AQR: variants seen among roughly 807,000 people sequenced by gnomAD.
AQR encodes aquarius intron-binding spliceosomal factor.
A neutral mutation model predicts 180.5 loss-of-function variants in AQR; 61 were observed. That is an observed-to-expected ratio of 0.34 (90% CI 0.28 to 0.42). The LOEUF is 0.42. Ranked by LOEUF, AQR falls within the 10% of genes least tolerant of loss-of-function variation. AQR has a pLI of 1.00. For missense variants in AQR, 1,281 were observed against 1,798.3 expected (o/e 0.71, Z 5.20); for synonymous variants, 551 against 588.8 (o/e 0.94, Z 0.93).
chr15:34,964,764 A>C (rs926398221), intron 1 of AQR, among the ~76,000 whole-genome samples: 13 of 152,066 alleles, frequency 8.5e-5, no homozygotes, highest in Admixed American at 7.2e-4. Flanking sequence ...AAACCTAAAA[A>C]AAAAAAAAAT....
Position 34,969,353 on chromosome 15 carries a change from C to T in AQR, c.75+186G>A, listed in dbSNP as rs1005249802. ...CAGGGCAGGGCAGCTTCTTTCACCA[C>T]GGTATGCCCAGCACCTAGCATAGTG... On this transcript the variant is annotated intron_variant, in intron 1 of 34. Coordinates refer to ENST00000156471, the MANE Select transcript of AQR (RefSeq NM_014691.3). Among the ~76,000 whole-genome samples, 4 of 152,162 alleles carry T rather than the reference C, an allele frequency of 2.6e-5. 1 individual carries two copies. The highest frequency in any genetic ancestry group is 9.7e-5 in the African/African-American group (4 of 41,440).
rs1894076093 is a variant in AQR at position 34,944,318 on chromosome 15, T to C, written c.441A>G (p.Leu147=). ...TATTGAAGCAATGATCAAGAAAAAGTAGTAAGACTGTCTGTTCATGAAGTG... is the reference window on the plus strand; with the variant it reads ...TATTGAAGCAATGATCAAGAAAAAGCAGTAAGACTGTCTGTTCATGAAGTG... ...EFSLHEQTVL[L]LFLDHCFNSL... The change falls in exon 6 of 35, where the codon CTA becomes CTG. Residue 147 remains leucine, a synonymous_variant. Transcript: ENST00000156471. 2 of 1,606,152 alleles carry C rather than the reference T, an allele frequency of 1.2e-6. No individual in the cohort carries two copies. Among genetic ancestry groups the C allele is most frequent in the African/African-American group, 2.7e-5 (2 of 74,584 alleles).
At chr15:34,893,530 G>C (rs1407912209) in intron 23 of AQR, 133 bp downstream of exon 23, 2 of 665,414 alleles carry the variant, frequency 3.0e-6, no homozygotes, top group Admixed American at 2.9e-5. Flanking sequence ...TAGATTTCTT[G>C]AAGAGGAACT....
intron 31 of AQR, chr15:34,869,377 T>A (rs1338793090): frequency 6.6e-6 from 1 of 152,180 alleles, no homozygotes. Context: ...GTAATAACTT[T>A]TATAGGAGTT....
Position 34,896,923 on chromosome 15 carries a change from C to G in AQR, c.2434G>C (p.Ala812Pro). The change falls in exon 22 of 35, where the codon GCT (alanine) becomes CCT (proline). Residue 812 changes from alanine to proline, a missense_variant. Physicochemically the swap from Ala to Pro is conservative, Grantham distance 27. This residue lies in a region of AQR where 112 missense variants were observed against 128.6 expected (regional missense o/e 0.87). Transcript: ENST00000156471. ...ATAGTCAGCCCAGGCTGCATTCCAG[C>G]ACGGATGGCTTCTATCTGTGTATGA... is the stretch of plus-strand genomic sequence containing the variant. Reference protein sequence around the residue: ...FTHTQIEAIRAGMQPGLTMVV... With the variant: ...FTHTQIEAIRPGMQPGLTMVV... 6.2e-7 allele frequency: 1 copy of G among 1,613,460 alleles called. No individual in the cohort carries two copies. Among genetic ancestry groups the G allele is most frequent in the Non-Finnish European group, 8.5e-7 (1 of 1,179,394 alleles).
intron 20 of AQR, 123 bp downstream of exon 20, chr15:34,900,499 T>A: frequency 8.6e-7 from 1 of 1,166,204 alleles, no homozygotes; most frequent in Non-Finnish European, 1.2e-6. Context: ...ATGGTGAAGG[T>A]AGGGACTGCT....
At chr15:34,946,058 G>A (rs924504127) in intron 5 of AQR, among the ~76,000 whole-genome samples, 1 of 152,138 alleles carries the variant, frequency 6.6e-6, no homozygotes, top group Non-Finnish European at 1.5e-5. Context: ...ATCATCTAAG[G>A]TCAGGAGTTT....
chr15:34,893,188 C>G (rs2140472427), intron 23 of AQR, among the ~76,000 whole-genome samples: 1 of 152,330 alleles, frequency 6.6e-6, no homozygotes, highest in Non-Finnish European at 1.5e-5. Context: ...CTGCGTCAGT[C>G]ACGTTTGCCA....
At chr15:34,918,422 T>G in intron 14 of AQR, 44 bp from the exon 15 acceptor site, 1 of 1,581,634 alleles carries the variant, frequency 6.3e-7, no homozygotes, top group Non-Finnish European at 8.6e-7. Flanking sequence ...TAGAAGCATC[T>G]TTTTTCAATC....
At chr15:34,938,868 G>A in intron 8 of AQR, 55 bp from the exon 9 acceptor site, 6 of 1,317,688 alleles carry the variant, frequency 4.6e-6, no homozygotes, top group Non-Finnish European at 5.4e-6. Flanking sequence ...CATTTCAAAA[G>A]TAAACTTTAA....
chr15:34,888,687 ACT>A (rs1893097870), intron 24 of AQR, among the ~76,000 whole-genome samples: 1 of 152,146 alleles, frequency 6.6e-6, no homozygotes, highest in Non-Finnish European at 1.5e-5. Context: ...ACAAAGTGAA[ACT>A]CTGTCTCAAA....
intron 33 of AQR, among the ~76,000 whole-genome samples, chr15:34,860,417 A>C (rs2140456926): frequency 6.6e-6 from 1 of 152,228 alleles, no homozygotes; most frequent in East Asian, 1.9e-4. Context: ...ATTAAAAAAA[A>C]AAAAAGACTT....
chr15:34,931,517 G>C (rs957407610), intron 11 of AQR, among the ~76,000 whole-genome samples: 16 of 152,100 alleles, frequency 1.1e-4, no homozygotes, highest in Admixed American at 1.0e-3. Flanking sequence ...TGTTAAAAAT[G>C]ATTTCTCCTG....
chr15:34,941,667 A>G (rs1894024611), intron 7 of AQR, among the ~76,000 whole-genome samples: 1 of 152,188 alleles, frequency 6.6e-6, no homozygotes, highest in Non-Finnish European at 1.5e-5. Flanking sequence ...AATATTAGGT[A>G]TGATCCAGAT....
intron 33 of AQR, 74 bp downstream of exon 33, chr15:34,862,793 G>A: frequency 6.8e-7 from 1 of 1,475,762 alleles, no homozygotes; most frequent in South Asian, 1.2e-5. Flanking sequence ...CCAAGCTAAT[G>A]TGGTCACCTA....
intron 8 of AQR, 22 bp from the exon 9 acceptor site, chr15:34,938,835 A>C: frequency 6.5e-7 from 1 of 1,537,890 alleles, no homozygotes; most frequent in Non-Finnish European, 8.9e-7. Context: ...AAGAACATTG[A>C]CCAATTATTT....
At position 34,854,980 on chromosome 15, in the gene AQR, T is replaced by C. The variant is rs940934350; in HGVS notation, c.*1812A>G. 6.6e-6 allele frequency: 1 copy of C among 152,232 alleles called. No homozygotes were observed. Among genetic ancestry groups the C allele is most frequent in the Non-Finnish European group, 1.5e-5 (1 of 68,040 alleles). 9.4% of individuals were successfully genotyped at this position (152,232 alleles called of 1,614,324 possible). ...ATAATTCTATGAGTGCGATTCCCCA[T>C]ACAGATGCCCACAGCACCTGCTTTC... On this transcript the variant is annotated 3_prime_UTR_variant, in exon 35 of 35. Transcript: ENST00000156471.
intron 28 of AQR, 71 bp downstream of exon 28, chr15:34,875,842 GCAATCAGCACACCCAAACTGTA>G (rs1172115120): frequency 1.2e-5 from 11 of 904,064 alleles, no homozygotes; most frequent in Non-Finnish European, 1.9e-5. Context: ...CATAACTATG[GCAATCAGCACACCCAAACTGTA>G]CAACTTTCTG....
intron 28 of AQR, 135 bp downstream of exon 28, chr15:34,875,795 AAATAG>A (rs1892881569): frequency 6.8e-6 from 4 of 587,998 alleles, no homozygotes; most frequent in Non-Finnish European, 8.9e-6. Flanking sequence ...TACAGGCTTA[AAATAG>A]AATACCAAAC....
Sources: allele counts gnomAD v4.1 joint callset (sites outside exome capture counted in the v4.1 genomes callset), GRCh38; gene constraint gnomAD v4.1.1; regional missense constraint gnomAD v4.1.1; transcripts MANE v1.5; gene names NCBI Gene and HGNC (gene_info 2026-07-23, HGNC 2026-07-21).